The following MTARC1 variants were observed in gnomAD, a reference collection of about 807,000 sequenced individuals.
MTARC1 encodes mitochondrial amidoxime-reducing component 1.
Under a neutral mutation model 33.6 loss-of-function variants are expected in MTARC1, and 24 were observed. That is an observed-to-expected ratio of 0.72 (90% CI 0.52 to 1.01). The LOEUF (loss-of-function observed/expected upper bound fraction) is 1.01, where lower values mean the gene tolerates loss of function less well. Ranked by LOEUF, MTARC1 falls within the 50% of genes least tolerant of loss-of-function variation. The probability of loss-of-function intolerance (pLI) is 0.00; values close to 1 mark genes in which losing one functional copy is unlikely to be tolerated. For missense variants in MTARC1, 417 were observed against 445.7 expected, an observed-to-expected ratio of 0.94 and a Z score of 0.58; for synonymous variants, 187 against 189.5, an observed-to-expected ratio of 0.99 and a Z score of 0.11.
intron 6 of MTARC1, among the ~76,000 whole-genome samples, chr1:220,809,808 TG>T (rs1380585594): frequency 6.6e-6 from 1 of 152,238 alleles, no homozygotes; most frequent in African/African-American, 2.4e-5. Flanking sequence ...ATTCTTAACC[TG>T]GCCATAGAGA....
rs569139296 is a variant in MTARC1, at chr1:220,801,854, A to G, written c.754-3198A>G. Among the ~76,000 whole-genome samples, 11 of 152,144 alleles carry G rather than the reference A, an allele frequency of 7.2e-5. No individual in the cohort carries two copies. The South Asian group carries it at 1.2e-3, about 17-fold the overall frequency. On this transcript the variant is annotated intron_variant, in intron 4 of 6. Coordinates refer to ENST00000366910, the MANE Select transcript of MTARC1 (RefSeq NM_022746.4). ...TTTCTGGAAAGCAGACCCACTCCTC[A>G]TCTCGGAAGCTACCTTCTCAGCAAC...
In MTARC1 at chr1:220,813,672, TC is replaced by T. The variant is rs1459192574; in HGVS notation, c.*258del. On this transcript the variant is annotated 3_prime_UTR_variant, in exon 7 of 7. Transcript: ENST00000366910. Reference sequence around the variant, plus strand: ...AATGACAAGACAGGATTCTGAAAACTCCCCGTTTAACTGATTATGGAATAGT... The same window carrying T: ...AATGACAAGACAGGATTCTGAAAACTCCCGTTTAACTGATTATGGAATAGT... 9.4e-6 allele frequency: 4 copies of T among 425,734 alleles called. No individual in the cohort carries two copies. The highest frequency in any genetic ancestry group is 1.3e-5 in the Non-Finnish European group (3 of 233,474). 26.4% of individuals were successfully genotyped at this position (425,734 alleles called of 1,614,324 possible). A position where few individuals can be genotyped will look rare whatever the true frequency, so the allele number is the denominator to read the frequency against.
At chr1:220,792,632 G>T (rs1672461255) in intron 2 of MTARC1, among the ~76,000 whole-genome samples, 2 of 142,988 alleles carry the variant, frequency 1.4e-5, no homozygotes, top group African/African-American at 2.6e-5. Flanking sequence ...ATTCATTGTT[G>T]AAAATTTGGG....
intron 6 of MTARC1, among the ~76,000 whole-genome samples, chr1:220,806,060 C>G (rs1197604189): frequency 6.6e-6 from 1 of 152,178 alleles, no homozygotes; most frequent in African/African-American, 2.4e-5. Context: ...TTGGTATAGT[C>G]ATAGAATTAT....
chr1:220,800,966 C>T (rs1672780417), intron 4 of MTARC1, among the ~76,000 whole-genome samples: 2 of 152,290 alleles, frequency 1.3e-5, no homozygotes, highest in Admixed American at 1.3e-4. Context: ...TCACTGGCCT[C>T]CTTGCCCCAC....
Position 220,791,683 on chromosome 1 carries a change from G to T in MTARC1, c.449+19G>T. 1 of 1,609,420 alleles carries T rather than the reference G, an allele frequency of 6.2e-7. No homozygotes were observed. Among genetic ancestry groups the T allele is most frequent in the South Asian group, 1.1e-5 (1 of 90,968 alleles). On this transcript the variant is annotated intron_variant, in intron 2 of 6. Transcript: ENST00000366910. ...AGTGCAGGTAAGGAAAGGGCAGGTC[G>T]TAGCCCTTGTGTGAATGAATAGTCA... is the stretch of plus-strand genomic sequence containing the variant.
chr1:220,798,969 C>T (rs994395809), intron 4 of MTARC1: 1 of 985,236 alleles, frequency 1.0e-6, no homozygotes, highest in Admixed American at 6.2e-5. Context: ...ACATTCAAAC[C>T]AGAAGATGTG....
chr1:220,813,142 A>G (rs757455002), intron 6 of MTARC1, 150 bp from the exon 7 acceptor site: 21 of 993,934 alleles, frequency 2.1e-5, no homozygotes, highest in Non-Finnish European at 2.9e-5. Flanking sequence ...TCACTGCCCC[A>G]CTCCAGGAGG....
chr1:220,813,500 A>T lies in MTARC1; in HGVS notation c.*82A>T. The T allele has an allele frequency of 6.5e-7, 1 of 1,536,998 alleles. No individual in the cohort carries two copies. The highest frequency in any genetic ancestry group is 1.2e-5 in the South Asian group (1 of 85,476). ...CAACACTTGAAGCATGGTGTTTCAGAACTGAGACCTCTACATTTTCTTTAA... is the reference window on the plus strand; with the variant it reads ...CAACACTTGAAGCATGGTGTTTCAGTACTGAGACCTCTACATTTTCTTTAA... On this transcript the variant is annotated 3_prime_UTR_variant, in exon 7 of 7. Coordinates refer to ENST00000366910, the MANE Select transcript of MTARC1 (RefSeq NM_022746.4).
At chr1:220,811,167 C>T (rs1024044690) in intron 6 of MTARC1, among the ~76,000 whole-genome samples, 2 of 152,164 alleles carry the variant, frequency 1.3e-5, no homozygotes, top group African/African-American at 2.4e-5. Flanking sequence ...AGATAGATCT[C>T]AGAATGTCAT....
intron 2 of MTARC1, among the ~76,000 whole-genome samples, chr1:220,796,106 ATTG>A (rs1339076739): frequency 1.3e-5 from 2 of 152,008 alleles, no homozygotes; most frequent in East Asian, 3.8e-4. Flanking sequence ...GTAGATTATT[ATTG>A]TTATTATTAA....
intron 2 of MTARC1, chr1:220,793,999 G>A (rs999477947): frequency 3.9e-5 from 6 of 152,178 alleles, no homozygotes; most frequent in African/African-American, 9.7e-5. Flanking sequence ...TCTAGAAATA[G>A]ATGTTGCAAT....
At chr1:220,802,330 T>G (rs1188619141) in intron 4 of MTARC1, among the ~76,000 whole-genome samples, 1 of 151,480 alleles carries the variant, frequency 6.6e-6, no homozygotes, top group African/African-American at 2.4e-5. Flanking sequence ...CTCCCTAAAC[T>G]CATTCTTTCT....
chr1:220,787,065 C>T lies in MTARC1; in HGVS notation c.121C>T (p.Arg41Cys), dbSNP rs764872206. The change falls in exon 1 of 7, where the codon CGC (arginine) becomes TGC (cysteine). Residue 41 changes from arginine to cysteine, a missense_variant. Transcript: ENST00000366910. ...TAVALGAVAW[R>C]RAWPTRRRRL... ...GGTGGCGCTGGGGGCTGTCGCCTGG[C>T]GCCGCGCATGGCCCACGCGGCGCCG... is the stretch of plus-strand genomic sequence containing the variant. The T allele has an allele frequency of 5.6e-6, 8 of 1,439,648 alleles. No homozygotes were observed. The highest frequency in any genetic ancestry group is 1.4e-5 in the South Asian group (1 of 69,890). The allele number at this position is 1,439,648 out of a possible 1,614,324, so 89.2% of individuals were successfully genotyped here.
chr1:220,808,939 CT>C (rs747883236), intron 6 of MTARC1: 4 of 470,728 alleles, frequency 8.5e-6, no homozygotes, highest in South Asian at 6.2e-5. Flanking sequence ...CATTTTGCCC[CT>C]AATGGAAAGA....
intron 1 of MTARC1, 50 bp downstream of exon 1, chr1:220,787,269 G>T: frequency 1.3e-6 from 2 of 1,510,610 alleles, no homozygotes; most frequent in Non-Finnish European, 8.8e-7. Context: ...TCGGGGCAAG[G>T]GGGTGAGAAG....
At chr1:220,800,676 C>T (rs1163466941) in intron 4 of MTARC1, among the ~76,000 whole-genome samples, 1 of 151,956 alleles carries the variant, frequency 6.6e-6, no homozygotes, top group Non-Finnish European at 1.5e-5. Context: ...CTTTCCCCTG[C>T]TTCTCCATAT....
chr1:220,797,927 G>A lies in MTARC1; in HGVS notation c.666G>A (p.Ala222=), dbSNP rs776647725. The change falls in exon 4 of 7, where the codon GCG becomes GCA. Residue 222 remains alanine (A), a synonymous_variant. Transcript: ENST00000366910. ...PFLILSEASL[A]DLNSRLEKKV... ...TGATCCTTTCTGAGGCGTCGCTGGC[G>A]GATCTCAACTCCAGGCTAGAGAAGA... The A allele has an allele frequency of 1.8e-5, 29 of 1,614,004 alleles. No homozygotes were observed. Among genetic ancestry groups the A allele is most frequent in the South Asian group, 4.4e-5 (4 of 91,080 alleles).
chr1:220,790,704 A>G (rs1033142430), intron 1 of MTARC1, among the ~76,000 whole-genome samples: 1 of 152,220 alleles, frequency 6.6e-6, no homozygotes, highest in African/African-American at 2.4e-5. Flanking sequence ...GCTCACTTCT[A>G]TAATTGTAAT....
Sources: gnomAD v4.1 joint callset for allele counts (sites outside exome capture counted in the v4.1 genomes callset) on GRCh38, gnomAD v4.1.1 for gene constraint, MANE v1.5 for transcripts, NCBI Gene and HGNC (gene_info 2026-07-23, HGNC 2026-07-21) for gene names.